The following ITGA1 variants were observed in gnomAD, a reference collection of about 807,000 sequenced individuals.
The protein encoded by ITGA1 is integrin alpha-1.
Under a neutral mutation model 145.9 loss-of-function variants are expected in ITGA1, and 85 were observed. That is an observed-to-expected ratio of 0.58 (90% CI 0.49 to 0.70). ITGA1 has a LOEUF of 0.70. ITGA1 is among the 30% of genes least tolerant of loss of function. The probability of loss-of-function intolerance (pLI) is 0.00; values close to 1 mark genes in which losing one functional copy is unlikely to be tolerated. For missense variants in ITGA1, 1,351 were observed against 1,418.7 expected, an observed-to-expected ratio of 0.95 and a Z score of 0.77; for synonymous variants, 520 against 495.3, an observed-to-expected ratio of 1.05 and a Z score of -0.66.
At chr5:52,791,083 A>C (rs555016223) in intron 1 of ITGA1, among the ~76,000 whole-genome samples, 1 of 152,332 alleles carries the variant, frequency 6.6e-6, no homozygotes, top group South Asian at 2.1e-4. Context: ...ACTGTCTTAT[A>C]TTAGCTCCTT....
intron 6 of ITGA1, among the ~76,000 whole-genome samples, chr5:52,874,292 G>A (rs1334358684): frequency 6.6e-6 from 1 of 151,850 alleles, no homozygotes; most frequent in African/African-American, 2.4e-5. Context: ...ACAAGAGTGA[G>A]AACTCACTCC....
At chr5:52,806,827 A>C (rs1209828539) in intron 1 of ITGA1, among the ~76,000 whole-genome samples, 2 of 152,306 alleles carry the variant, frequency 1.3e-5, no homozygotes, top group East Asian at 3.9e-4. Context: ...TTCTGTAAGG[A>C]CAAACACCTT....
At chr5:52,850,330 T>C (rs900806187) in intron 2 of ITGA1, among the ~76,000 whole-genome samples, 4 of 152,156 alleles carry the variant, frequency 2.6e-5, no homozygotes, top group Non-Finnish European at 5.9e-5. Flanking sequence ...ATATTTAACT[T>C]GTTGAAAATT....
chr5:52,841,080 T>C (rs935621800), intron 1 of ITGA1, among the ~76,000 whole-genome samples: 3 of 152,188 alleles, frequency 2.0e-5, no homozygotes, highest in Non-Finnish European at 4.4e-5. Context: ...ACTTGGAAAA[T>C]GCTTAAATAC....
rs1384095259 is a variant in ITGA1 at position 52,895,999 on chromosome 5, ATTGAGG to A, written c.1091-1455_1091-1450del. Among the ~76,000 whole-genome samples, 3 of 152,338 alleles carry A rather than the reference ATTGAGG, an allele frequency of 2.0e-5. No homozygotes were observed. In the East Asian group the frequency reaches 5.8e-4, roughly 29 times the overall value. ...CTGTTTGCCAAGGACAGTGCCATCT[ATTGAGG>A]CAAGTATGCCAAGGACTTGCTTAGT... On this transcript the variant is annotated intron_variant, in intron 9 of 28. Coordinates refer to ENST00000282588, the MANE Select transcript of ITGA1 (RefSeq NM_181501.2).
At chr5:52,825,178 T>C (rs561993598) in intron 1 of ITGA1, 2 of 152,332 alleles carry the variant, frequency 1.3e-5, no homozygotes, top group South Asian at 4.1e-4. Context: ...TTAAATAATA[T>C]TTCATATAAA....
chr5:52,809,751 C>T (rs1273359042), intron 1 of ITGA1, among the ~76,000 whole-genome samples: 4 of 152,008 alleles, frequency 2.6e-5, no homozygotes, highest in Admixed American at 2.0e-4. Flanking sequence ...AGTGATCTGC[C>T]CATCTTGTCC....
At chr5:52,840,325 A>T (rs1240683606) in intron 1 of ITGA1, among the ~76,000 whole-genome samples, 3 of 152,198 alleles carry the variant, frequency 2.0e-5, no homozygotes, top group Admixed American at 6.5e-5. Context: ...GCCTTTCCGT[A>T]TGCAGTGCTC....
intron 12 of ITGA1, among the ~76,000 whole-genome samples, chr5:52,907,794 C>T (rs895591391): frequency 4.6e-5 from 7 of 152,070 alleles, no homozygotes; most frequent in South Asian, 2.1e-4. Context: ...CTCCAGTTGA[C>T]GGTTGCCATG....
intron 11 of ITGA1, chr5:52,903,155 T>C (rs1042502990): frequency 2.6e-5 from 4 of 152,072 alleles, no homozygotes; most frequent in African/African-American, 9.7e-5. Context: ...ACATAATTTT[T>C]AACTCATTTT....
Position 52,925,341 on chromosome 5 carries a change from G to A in ITGA1, c.2467G>A (p.Ala823Thr), listed in dbSNP as rs758259416. 6.3e-5 allele frequency: 101 copies of A among 1,613,970 alleles called. 1 individual carries two copies. In the Middle Eastern group the frequency reaches 6.6e-4, roughly 11 times the overall value. Residue 823 changes from alanine (A) to threonine (T), a missense_variant, in exon 19 of 29, where the codon GCC (alanine) becomes ACC (threonine). Coordinates refer to ENST00000282588, the MANE Select transcript of ITGA1 (RefSeq NM_181501.2). ...KCISDLSLHV[A>T]TTEKDLLIVR... The stretch of plus-strand genomic sequence containing the variant: ...TATCTCAGACCTCAGCCTGCATGTC[G>A]CCACCACTGAAAAGGACCTGCTGAT...
rs1751317408 is a variant in ITGA1 at position 52,957,132 on chromosome 5, AAAGT to A, written c.*4684_*4687del. ...AATTTAATCTTAAATTTAGAAATTC[AAAGT>A]AACAGCCTTTAACCATTAACCTTGA... On this transcript the variant is annotated 3_prime_UTR_variant, in exon 29 of 29. Coordinates refer to ENST00000282588, the MANE Select transcript of ITGA1 (RefSeq NM_181501.2). 6.6e-6 allele frequency: 1 copy of A among 152,218 alleles called. No homozygotes were observed. Among genetic ancestry groups the A allele is most frequent in the Non-Finnish European group, 1.5e-5 (1 of 68,046 alleles). The allele number at this position is 152,218 out of a possible 1,614,324, so 9.4% of individuals were successfully genotyped here. A position where few individuals can be genotyped will look rare whatever the true frequency, so the allele number is the denominator to read the frequency against.
chr5:52,947,169 CATAGTT>C (rs3835050), intron 27 of ITGA1, among the ~76,000 whole-genome samples, 170 bp from the exon 28 acceptor site: 2,650 of 152,072 alleles, frequency 0.017, 85 homozygotes, highest in East Asian at 0.15. Flanking sequence ...ATAAATTTGA[CATAGTT>C]AGAGATTTAG....
chr5:52,922,249 C>T lies in ITGA1; in HGVS notation c.2293-528C>T, dbSNP rs1750741244. Among the ~76,000 whole-genome samples, 2 of 152,048 alleles carry T rather than the reference C, an allele frequency of 1.3e-5. 1 individual carries two copies. Among genetic ancestry groups the T allele is most frequent in the South Asian group, 4.1e-4 (2 of 4,822 alleles). The stretch of plus-strand genomic sequence containing the variant: ...CTGGGAAGTGGAGGTTGCAGTGAGC[C>T]GAGATCGTGCCGCTGTACTCCAGCC... On this transcript the variant is annotated intron_variant, in intron 17 of 28. Transcript: ENST00000282588.
intron 3 of ITGA1, chr5:52,864,018 A>G (rs2447870): frequency 1 from 152,232 of 152,354 alleles, 76,056 homozygotes; most frequent in Middle Eastern, 1. Flanking sequence ...TGGAACAAAC[A>G]GTGAGACAAA....
chr5:52,831,826 T>C, intron 1 of ITGA1, among the ~76,000 whole-genome samples: 1 of 152,194 alleles, frequency 6.6e-6, no homozygotes, highest in East Asian at 1.9e-4. Flanking sequence ...GTCATGTCTA[T>C]ACATTGATTA....
chr5:52,891,193 G>A lies in ITGA1; in HGVS notation c.925-2482G>A, dbSNP rs182908910. ...GTAAACAGTGCTGCAATAAACAGGG[G>A]AGTGCAGATATTTCTTCAATATACT... On this transcript the variant is annotated intron_variant, in intron 8 of 28. Coordinates refer to ENST00000282588, the MANE Select transcript of ITGA1 (RefSeq NM_181501.2). 1.2e-3 allele frequency among the ~76,000 whole-genome samples: 176 copies of A among 151,720 alleles called. 1 individual carries two copies. The highest frequency in any genetic ancestry group is 2.5e-3 in the South Asian group (12 of 4,792).
At chr5:52,842,658 C>A (rs962541654) in intron 1 of ITGA1, among the ~76,000 whole-genome samples, 4 of 149,424 alleles carry the variant, frequency 2.7e-5, no homozygotes, top group Non-Finnish European at 5.9e-5. Flanking sequence ...GAGGTGAAAT[C>A]ACTTGCTTTT....
Position 52,898,268 on chromosome 5 carries a change from C to G in ITGA1, c.1194C>G (p.Ala398=), listed in dbSNP as rs1419915076. The part of the protein sequence containing the change: ...QDWVMLGAVG[A]YDWNGTVVMQ... ...GGGTCATGCTTGGAGCAGTAGGAGC[C>G]TATGATTGGAATGGAACAGTTGTCA... Residue 398 remains alanine, a synonymous_variant, in exon 11 of 29, where the codon GCC becomes GCG. Transcript: ENST00000282588. The G allele has an allele frequency of 6.2e-7, 1 of 1,605,716 alleles. No homozygotes were observed. Among genetic ancestry groups the G allele is most frequent in the East Asian group, 2.2e-5 (1 of 44,724 alleles).
Sources: gnomAD v4.1 joint callset for allele counts (sites outside exome capture counted in the v4.1 genomes callset) on GRCh38, gnomAD v4.1.1 for gene constraint, MANE v1.5 for transcripts, NCBI Gene and HGNC (gene_info 2026-07-23, HGNC 2026-07-21) for gene names.